Variants in CDH19 observed in about 807,000 individuals in gnomAD.
CDH19 encodes cadherin-19.
A neutral mutation model predicts 64.2 loss-of-function variants in CDH19; 67 were observed. The observed-to-expected ratio is 1.04, with a 90% CI of 0.86 to 1.28. The LOEUF is 1.28. CDH19 is among the 50% of genes most tolerant of loss of function. The pLI is 0.00. For synonymous variants in CDH19, 346 were observed against 319.3 expected (o/e 1.08, Z -0.89); for missense variants, 1,030 against 929.0 (o/e 1.11, Z -1.41).
chr18:66,515,531 T>C (rs1292023484), intron 9 of CDH19, among the ~76,000 whole-genome samples: 1 of 151,790 alleles, frequency 6.6e-6, no homozygotes, highest in African/African-American at 2.4e-5. Flanking sequence ...CAAAAGGTCA[T>C]TATAGCATAA....
intron 1 of CDH19, among the ~76,000 whole-genome samples, chr18:66,586,339 A>G (rs945517528): frequency 4.6e-5 from 7 of 152,102 alleles, no homozygotes; most frequent in African/African-American, 1.7e-4. Flanking sequence ...AAATAAGAAT[A>G]AGAGTTTCTC....
chr18:66,543,919 T>A (rs1986995017), intron 7 of CDH19, 52 bp downstream of exon 7: 1 of 1,278,448 alleles, frequency 7.8e-7, no homozygotes, highest in Admixed American at 2.3e-5. Context: ...TTATTTTTAA[T>A]CTATTTTATA....
chr18:66,543,401 T>C (rs1320158726), intron 7 of CDH19, among the ~76,000 whole-genome samples: 1 of 152,134 alleles, frequency 6.6e-6, no homozygotes, highest in African/African-American at 2.4e-5. Flanking sequence ...GTTTTCCTCT[T>C]ATCTCCTTTC....
At chr18:66,528,128 AAAGT>A (rs1256251963) in intron 9 of CDH19, among the ~76,000 whole-genome samples, 1 of 152,056 alleles carries the variant, frequency 6.6e-6, no homozygotes, top group Non-Finnish European at 1.5e-5. Context: ...TGCCACATTT[AAAGT>A]ATCATTTATT....
chr18:66,554,007 T>A (rs1987427089), intron 4 of CDH19, among the ~76,000 whole-genome samples: 1 of 88,820 alleles, frequency 1.1e-5, no homozygotes. Context: ...TGTATTTCAT[T>A]GTGGTTTTAG....
At chr18:66,580,310 G>C (rs992773724) in intron 1 of CDH19, among the ~76,000 whole-genome samples, 1 of 151,944 alleles carries the variant, frequency 6.6e-6, no homozygotes, top group African/African-American at 2.4e-5. Context: ...TTTATACCTA[G>C]AGAAATATTC....
intron 3 of CDH19, among the ~76,000 whole-genome samples, chr18:66,555,442 C>T (rs1328678472): frequency 1.3e-5 from 2 of 151,754 alleles, no homozygotes; most frequent in South Asian, 4.1e-4. Context: ...CTATACTTCA[C>T]TAACATGAAA....
chr18:66,590,610 C>T (rs1376633720), intron 1 of CDH19, among the ~76,000 whole-genome samples: 1 of 151,434 alleles, frequency 6.6e-6, no homozygotes, highest in Non-Finnish European at 1.5e-5. Flanking sequence ...ATAATTTATT[C>T]TCCTATCAGA....
chr18:66,571,788 C>CGG (rs1988111222), intron 2 of CDH19, among the ~76,000 whole-genome samples: 2 of 151,512 alleles, frequency 1.3e-5, no homozygotes, highest in Admixed American at 6.6e-5. Context: ...CATTTTCATA[C>CGG]GGGATACTGA....
At chr18:66,571,510 C>A (rs1988101857) in intron 2 of CDH19, among the ~76,000 whole-genome samples, 1 of 151,516 alleles carries the variant, frequency 6.6e-6, no homozygotes, top group Non-Finnish European at 1.5e-5. Flanking sequence ...AAAATATATT[C>A]TTTTAAGAAA....
At chr18:66,536,276 AC>A (rs945239940) in intron 7 of CDH19, among the ~76,000 whole-genome samples, 1 of 151,740 alleles carries the variant, frequency 6.6e-6, no homozygotes, top group African/African-American at 2.4e-5. Flanking sequence ...ATTTCCAAAA[AC>A]ATTATGCTAC....
At chr18:66,508,925 T>A in intron 11 of CDH19, 70 bp downstream of exon 11, 2 of 1,476,534 alleles carry the variant, frequency 1.4e-6, no homozygotes, top group East Asian at 2.3e-5. Flanking sequence ...TGAGTATATG[T>A]TCAGTTCAGC....
chr18:66,507,172 T>G lies in CDH19; in HGVS notation c.1828+1823A>C, dbSNP rs539250716. Among the ~76,000 whole-genome samples the G allele has an allele frequency of 4.3e-4, 66 of 152,038 alleles. 1 individual carries two copies. In the Middle Eastern group the frequency reaches 0.014, roughly 31 times the overall value. On this transcript the variant is annotated intron_variant, in intron 11 of 11. Coordinates refer to ENST00000262150, the MANE Select transcript of CDH19 (RefSeq NM_021153.4). Reference sequence around the variant, plus strand: ...TCCCCCAAAATTATGCTTTTACTATTTATCTTTGCTTCTGGATCTAGCTAT... The same window carrying G: ...TCCCCCAAAATTATGCTTTTACTATGTATCTTTGCTTCTGGATCTAGCTAT...
At chr18:66,530,358 T>TA (rs1324892295) in intron 8 of CDH19, among the ~76,000 whole-genome samples, 7 of 152,060 alleles carry the variant, frequency 4.6e-5, no homozygotes, top group Admixed American at 4.6e-4. Context: ...ATTTTACGGA[T>TA]AAAAAATTGA....
intron 3 of CDH19, among the ~76,000 whole-genome samples, chr18:66,558,037 A>G (rs1015360403): frequency 2.6e-5 from 4 of 151,632 alleles, no homozygotes; most frequent in Non-Finnish European, 5.9e-5. Flanking sequence ...TTATTAGTGC[A>G]ACTCCTGTAG....
chr18:66,522,246 C>T (rs983827686), intron 9 of CDH19, among the ~76,000 whole-genome samples: 1 of 149,600 alleles, frequency 6.7e-6, no homozygotes, highest in African/African-American at 2.5e-5. Flanking sequence ...CCCAGCCCGG[C>T]GTAGTTTTGT....
Position 66,508,979 on chromosome 18 carries a change from G to T in CDH19, c.1828+16C>A. On this transcript the variant is annotated intron_variant, in intron 11 of 11. Transcript: ENST00000262150. ...TCATAATGCAAATGAGAATAGCAATGATGACTTCTACCTACCAAATATGAT... is the reference window on the plus strand; with the variant it reads ...TCATAATGCAAATGAGAATAGCAATTATGACTTCTACCTACCAAATATGAT... 1 of 1,598,684 alleles carries T rather than the reference G, an allele frequency of 6.3e-7. No homozygotes were observed. Among genetic ancestry groups the T allele is most frequent in the Non-Finnish European group, 8.6e-7 (1 of 1,167,502 alleles).
intron 9 of CDH19, among the ~76,000 whole-genome samples, chr18:66,527,342 G>T (rs1183501702): frequency 1.3e-5 from 2 of 151,890 alleles, no homozygotes; most frequent in African/African-American, 4.8e-5. Flanking sequence ...CATATGAATT[G>T]AATACTTTTC....
intron 1 of CDH19, among the ~76,000 whole-genome samples, chr18:66,590,587 T>C (rs1044190365): frequency 1.3e-5 from 2 of 151,898 alleles, no homozygotes; most frequent in South Asian, 4.1e-4. Flanking sequence ...GAACAGTGTT[T>C]TTCAAACTTT....
Sources: allele counts gnomAD v4.1 joint callset (sites outside exome capture counted in the v4.1 genomes callset), GRCh38; gene constraint gnomAD v4.1.1; transcripts MANE v1.5; gene names NCBI Gene and HGNC (gene_info 2026-07-23, HGNC 2026-07-21).